Variants in NFIX observed in about 807,000 individuals in gnomAD.
NFIX encodes nuclear factor 1 X-type.
In NFIX, 2 loss-of-function variants were observed where a neutral mutation model predicts 53.3. The ratio of observed to expected loss-of-function variants is 0.04; its 90% CI spans 0.02 to 0.12. The LOEUF is 0.12. Among genes scored for constraint, NFIX ranks in the 10% least tolerant of loss-of-function variants. The pLI, the probability that NFIX is intolerant of heterozygous loss-of-function variation, is 1.00. For synonymous variants in NFIX, 244 were observed against 289.0 expected (o/e 0.84, Z 1.58); for missense variants, 310 against 674.5 (o/e 0.46, Z 5.99).
At chr19:13,084,119 A>G (rs146611454) in intron 8 of NFIX, among the ~76,000 whole-genome samples, 82 of 152,342 alleles carry the variant, frequency 5.4e-4, no homozygotes, top group Middle Eastern at 6.8e-3. Context: ...CAGAAGTCAC[A>G]GATCAGTTTT....
At chr19:13,024,785 C>A in intron 1 of NFIX, 1 of 1,464,698 alleles carries the variant, frequency 6.8e-7, no homozygotes, top group Non-Finnish European at 9.2e-7. Flanking sequence ...CTCTGTCTGG[C>A]TGCTGAGGCT....
intron 1 of NFIX, among the ~76,000 whole-genome samples, chr19:13,007,779 T>C (rs888564925): frequency 2.0e-5 from 3 of 151,956 alleles, no homozygotes; most frequent in African/African-American, 4.8e-5. Context: ...TCAAATGTTA[T>C]TTGAGGACGG....
At position 13,023,070 on chromosome 19, in the gene NFIX, T is replaced by TCTCTC. The variant is rs2013036703; in HGVS notation, c.28-1951_28-1950insCTCTC. Among the ~76,000 whole-genome samples, 156 of 138,120 alleles carry TCTCTC rather than the reference T, an allele frequency of 1.1e-3. 1 individual carries two copies. The highest frequency in any genetic ancestry group is 4.4e-3 in the South Asian group (19 of 4,318). The allele number at this position is 138,120 out of a possible 152,430, so 90.6% of individuals were successfully genotyped here. A position where few individuals can be genotyped will look rare whatever the true frequency, so the allele number is the denominator to read the frequency against. On this transcript the variant is annotated intron_variant, in intron 1 of 10. Transcript: ENST00000592199. ...CAAATAGGTGGATCCTTCTCTCTCTTTCTCTCTCTCTCTCTCTCTCTCTCT... is the reference window on the plus strand; with the variant it reads ...CAAATAGGTGGATCCTTCTCTCTCTTCTCTCTCTCTCTCTCTCTCTCTCTCTCTCT...
intron 7 of NFIX, among the ~76,000 whole-genome samples, chr19:13,079,440 A>G (rs1039669901): frequency 1.3e-5 from 2 of 152,172 alleles, no homozygotes; most frequent in Non-Finnish European, 2.9e-5. Flanking sequence ...GTGGGAGCTG[A>G]GACCTCAGCC....
rs1599739266 is a variant in NFIX at position 13,025,671 on chromosome 19, C to A, written c.559+119C>A. 11 of 1,179,820 alleles carry A rather than the reference C, an allele frequency of 9.3e-6. No homozygotes were observed. The highest frequency in any genetic ancestry group is 2.5e-5 in the East Asian group (1 of 40,456). The allele number at this position is 1,179,820 out of a possible 1,614,324, so 73.1% of individuals were successfully genotyped here. On this transcript the variant is annotated intron_variant, in intron 2 of 10. Coordinates refer to ENST00000592199, the MANE Select transcript of NFIX (RefSeq NM_001365902.3). The surrounding 1 kb of genome is among the most constrained non-coding windows in gnomAD (Gnocchi z 7.5). ...GCCATGGGCCTAACTGGTGTATGCC[C>A]GTCCTGCGGGGCCTGCAACACGGTT... is the stretch of plus-strand genomic sequence containing the variant.
rs1046692896 is a variant in NFIX at position 13,072,147 on chromosome 19, C to T, written c.560-900C>T. 2.0e-5 allele frequency among the ~76,000 whole-genome samples: 3 copies of T among 152,232 alleles called. No homozygotes were observed. The highest frequency in any genetic ancestry group is 4.8e-5 in the African/African-American group (2 of 41,462). On this transcript the variant is annotated intron_variant, in intron 2 of 10. Transcript: ENST00000592199. This position sits in a 1 kb window ranked among gnomAD's most constrained non-coding sequence, Gnocchi z 4.0. Reference sequence around the variant, plus strand: ...GCCTGGCCCCCCTCCACCACCCTCTCGCCAGCTGTCATGCCCAGGCAGGCA... The same window carrying T: ...GCCTGGCCCCCCTCCACCACCCTCTTGCCAGCTGTCATGCCCAGGCAGGCA...
At chr19:13,004,590 C>T (rs914974122) in intron 1 of NFIX, among the ~76,000 whole-genome samples, 17 of 152,178 alleles carry the variant, frequency 1.1e-4, no homozygotes, top group Non-Finnish European at 2.4e-4. Context: ...CCACAACCAG[C>T]TGTCTTTGCG....
rs1354142985 is a variant in NFIX, at chr19:13,021,887, A to G, written c.28-3134A>G. ...ATTTCCCCCAGGTGGCCTGTTTTTG[A>G]TAGAGCCCTTTGCTGTTTTTTGTTG... On this transcript the variant is annotated intron_variant, in intron 1 of 10. Coordinates refer to ENST00000592199, the MANE Select transcript of NFIX (RefSeq NM_001365902.3). The surrounding 1 kb of genome is among the most constrained non-coding windows in gnomAD (Gnocchi z 4.2). 3.9e-5 allele frequency among the ~76,000 whole-genome samples: 6 copies of G among 151,918 alleles called. No homozygotes were observed. The highest frequency in any genetic ancestry group is 1.5e-4 in the African/African-American group (6 of 41,334).
intron 5 of NFIX, among the ~76,000 whole-genome samples, chr19:13,075,118 C>T (rs1289021566): frequency 7.0e-6 from 1 of 142,810 alleles, no homozygotes; most frequent in Non-Finnish European, 1.5e-5. Context: ...ATATTGATGA[C>T]TGAGTTTTAT....
At chr19:13,018,437 T>C (rs1196758051) in intron 1 of NFIX, among the ~76,000 whole-genome samples, 1 of 150,262 alleles carries the variant, frequency 6.7e-6, no homozygotes, top group Non-Finnish European at 1.5e-5. Flanking sequence ...GCGAATCCAT[T>C]CAGCCAGCAT....
rs893336649 is a variant in NFIX, at chr19:13,051,387, G to A, written c.560-21660G>A. ...GAGCTCACTCAGGGTACTAGGGATG[G>A]AAGGGAAGAGGAGGGGAATGCTGTC... On this transcript the variant is annotated intron_variant, in intron 2 of 10. Transcript: ENST00000592199. This position sits in a 1 kb window ranked among gnomAD's most constrained non-coding sequence, Gnocchi z 5.1. Among the ~76,000 whole-genome samples, 8 of 152,182 alleles carry A rather than the reference G, an allele frequency of 5.3e-5. No individual in the cohort carries two copies. The highest frequency in any genetic ancestry group is 1.2e-4 in the Non-Finnish European group (8 of 68,026).
rs1386804746 is a variant in NFIX, at chr19:13,014,784, C to T, written c.28-10237C>T. 4.6e-5 allele frequency among the ~76,000 whole-genome samples: 7 copies of T among 152,202 alleles called. No homozygotes were observed. Among genetic ancestry groups the T allele is most frequent in the African/African-American group, 1.7e-4 (7 of 41,454 alleles). On this transcript the variant is annotated intron_variant, in intron 1 of 10. Transcript: ENST00000592199. The surrounding 1 kb of genome is among the most constrained non-coding windows in gnomAD (Gnocchi z 4.4). ...GGGGAGGAAGAGCAGGGTCCAGGGC[C>T]AGTGGCTGAGCACGGCCTGGAGAGA...
In NFIX at chr19:13,012,548, G is replaced by A. The variant is rs1232401849; in HGVS notation, c.28-12473G>A. On this transcript the variant is annotated intron_variant, in intron 1 of 10. Coordinates refer to ENST00000592199, the MANE Select transcript of NFIX (RefSeq NM_001365902.3). The surrounding 1 kb of genome is among the most constrained non-coding windows in gnomAD (Gnocchi z 5.0). ...AAAGGCCGCCGCCAAAAGGGGCTCC[G>A]ATGTCGGCATTTTTGCCTTAAGGCT... 3.3e-5 allele frequency among the ~76,000 whole-genome samples: 5 copies of A among 151,440 alleles called. No homozygotes were observed. The highest frequency in any genetic ancestry group is 1.2e-4 in the African/African-American group (5 of 41,340).
In NFIX at chr19:13,066,730, T is replaced by A. The variant is rs1206839005; in HGVS notation, c.560-6317T>A. Among the ~76,000 whole-genome samples, 1 of 152,074 alleles carries A rather than the reference T, an allele frequency of 6.6e-6. No individual in the cohort carries two copies. Among genetic ancestry groups the A allele is most frequent in the African/African-American group, 2.4e-5 (1 of 41,394 alleles). ...CCTCAGGATGACTCCAGGATGTGTG[T>A]GTGCATGTGTGTGTGTGTTTGTGCA... On this transcript the variant is annotated intron_variant, in intron 2 of 10. Transcript: ENST00000592199. This position sits in a 1 kb window ranked among gnomAD's most constrained non-coding sequence, Gnocchi z 4.2.
intron 2 of NFIX, among the ~76,000 whole-genome samples, chr19:13,058,079 A>G (rs867513701): frequency 1.3e-5 from 2 of 152,140 alleles, no homozygotes; most frequent in Middle Eastern, 3.4e-3. Flanking sequence ...AAGTGACCCT[A>G]GGAACAGGGG....
Position 12,996,605 on chromosome 19 carries a change from C to G in NFIX, c.27+741C>G, listed in dbSNP as rs1200435784. 6.6e-6 allele frequency among the ~76,000 whole-genome samples: 1 copy of G among 152,212 alleles called. No homozygotes were observed. Among genetic ancestry groups the G allele is most frequent in the Non-Finnish European group, 1.5e-5 (1 of 68,018 alleles). On this transcript the variant is annotated intron_variant, in intron 1 of 10. Transcript: ENST00000592199. This position sits in a 1 kb window ranked among gnomAD's most constrained non-coding sequence, Gnocchi z 5.2. ...GTCGCAGCCTCTGCCCCCCCACCCC[C>G]AAACTTTCCTCGGCGCAAACTTTCT... is the stretch of plus-strand genomic sequence containing the variant.
At chr19:13,042,873 G>C (rs1354381763) in intron 2 of NFIX, among the ~76,000 whole-genome samples, 1 of 152,078 alleles carries the variant, frequency 6.6e-6, no homozygotes, top group Admixed American at 6.5e-5. Context: ...CTAGGCAAAA[G>C]GTATGGACTC....
At chr19:13,046,579 C>T (rs1286884278) in intron 2 of NFIX, among the ~76,000 whole-genome samples, 4 of 151,898 alleles carry the variant, frequency 2.6e-5, no homozygotes, top group Non-Finnish European at 4.4e-5. Context: ...TGCCATTCAT[C>T]GCTGGGGACC....
At position 13,009,843 on chromosome 19, in the gene NFIX, G is replaced by A. The variant is rs537740452; in HGVS notation, c.27+13979G>A. ...CCATGTGGACGGCTGGAGTTGGTCC[G>A]CAGTGGTGGCAGCTTGTGGTCCTTT... On this transcript the variant is annotated intron_variant, in intron 1 of 10. Transcript: ENST00000592199. The surrounding 1 kb of genome is among the most constrained non-coding windows in gnomAD (Gnocchi z 4.7). Among the ~76,000 whole-genome samples, 13 of 152,220 alleles carry A rather than the reference G, an allele frequency of 8.5e-5. No individual in the cohort carries two copies. The highest frequency in any genetic ancestry group is 2.4e-4 in the African/African-American group (10 of 41,456).
Sources: allele counts gnomAD v4.1 joint callset (sites outside exome capture counted in the v4.1 genomes callset), GRCh38; gene constraint gnomAD v4.1.1; non-coding constraint Gnocchi (gnomAD v3.1); transcripts MANE v1.5; gene names NCBI Gene and HGNC (gene_info 2026-07-23, HGNC 2026-07-21).